The following VAT1L variants were observed in gnomAD, a reference collection of about 807,000 sequenced individuals.
VAT1L encodes putative NADPH-dependent quinone oxidoreductase VAT1L.
A neutral mutation model predicts 44.1 loss-of-function variants in VAT1L; 34 were observed. The ratio of observed to expected loss-of-function variants is 0.77; its 90% CI spans 0.59 to 1.03. The LOEUF is 1.03. Among genes scored for constraint, VAT1L ranks in the 50% least tolerant of loss-of-function variants. The pLI is 0.00. For synonymous variants in VAT1L, 253 were observed against 202.2 expected (o/e 1.25, Z -2.13); for missense variants, 615 against 538.8 (o/e 1.14, Z -1.40).
In VAT1L at chr16:77,955,727, C is replaced by T. The variant is rs866018379; in HGVS notation, c.1078-16123C>T. On this transcript the variant is annotated intron_variant, in intron 7 of 8. Coordinates refer to ENST00000302536, the MANE Select transcript of VAT1L (RefSeq NM_020927.3). Reference sequence around the variant, plus strand: ...GTGACAGAGGCTCCATATCCCCCCCCCCAAAAAAAAAAAAAGAGAGAGAAT... The same window carrying T: ...GTGACAGAGGCTCCATATCCCCCCCTCCAAAAAAAAAAAAAGAGAGAGAAT... Among the ~76,000 whole-genome samples the T allele has an allele frequency of 2.4e-3, 257 of 107,526 alleles. 1 individual carries two copies. The highest frequency in any genetic ancestry group is 8.5e-3 in the African/African-American group (234 of 27,488). 70.5% of individuals were successfully genotyped at this position (107,526 alleles called of 152,430 possible).
At chr16:77,903,918 A>G (rs1247198007) in intron 7 of VAT1L, among the ~76,000 whole-genome samples, 1 of 151,622 alleles carries the variant, frequency 6.6e-6, no homozygotes, top group Non-Finnish European at 1.5e-5. Context: ...TTGTATTTTT[A>G]GTAAAGACAG....
chr16:77,884,721 G>C lies in VAT1L; in HGVS notation c.996G>C (p.Arg332=). 6.2e-7 allele frequency: 1 copy of C among 1,607,166 alleles called. No homozygotes were observed. The highest frequency in any genetic ancestry group is 1.1e-5 in the South Asian group (1 of 89,596). ...AACAAGGCCGGGCGGGCCTCATTCG[G>C]GGAGTGGTGGAAAAACTCATAGGGC... ...LFKQGRAGLI[R]GVVEKLIGLY... is the part of the protein sequence containing the mutation. The change falls in exon 7 of 9, where the codon CGG becomes CGC. Residue 332 remains arginine (R), a synonymous_variant. Transcript: ENST00000302536. The surrounding 1 kb of genome is among the most constrained non-coding windows in gnomAD (Gnocchi z 4.5).
chr16:77,965,315 G>C (rs564586847), intron 7 of VAT1L, among the ~76,000 whole-genome samples: 1 of 152,182 alleles, frequency 6.6e-6, no homozygotes, highest in African/African-American at 2.4e-5. Context: ...GAAGCCAGTT[G>C]TTAGAATGAT....
chr16:77,973,577 C>G (rs430714), intron 8 of VAT1L, among the ~76,000 whole-genome samples: 42,800 of 151,800 alleles, frequency 0.28, 6,431 homozygotes, highest in Middle Eastern at 0.34. Flanking sequence ...GCCACCATGC[C>G]TGGCCCCCAG....
chr16:77,938,985 C>G (rs2017840746), intron 7 of VAT1L, among the ~76,000 whole-genome samples: 1 of 152,004 alleles, frequency 6.6e-6, no homozygotes, highest in South Asian at 2.1e-4. Flanking sequence ...TCTGTCTACT[C>G]CAGGAATGAG....
intron 3 of VAT1L, among the ~76,000 whole-genome samples, chr16:77,843,940 C>T (rs998582693): frequency 9.9e-5 from 15 of 152,166 alleles, no homozygotes; most frequent in African/African-American, 1.7e-4. Context: ...GGTGGTGGAC[C>T]TTCTTGGGTC....
intron 7 of VAT1L, among the ~76,000 whole-genome samples, chr16:77,888,296 C>A (rs1420158396): frequency 1.3e-5 from 2 of 152,148 alleles, no homozygotes; most frequent in African/African-American, 4.8e-5. Context: ...CTCCCTTCCA[C>A]TAGAATTTAA....
rs146689405 is a variant in VAT1L at position 77,944,541 on chromosome 16, A to G, written c.1078-27309A>G. Among the ~76,000 whole-genome samples, 96 of 152,272 alleles carry G rather than the reference A, an allele frequency of 6.3e-4. 3 individuals are homozygous for G. The East Asian group carries it at 0.018, about 29-fold the overall frequency. ...AGCATAGTAAGTGCTAGGATCCTCAATTTCTTCAACTGTAAAAACAGAAAT... is the reference window on the plus strand; with the variant it reads ...AGCATAGTAAGTGCTAGGATCCTCAGTTTCTTCAACTGTAAAAACAGAAAT... On this transcript the variant is annotated intron_variant, in intron 7 of 8. Transcript: ENST00000302536.
chr16:77,959,995 T>A (rs2018144639), intron 7 of VAT1L, among the ~76,000 whole-genome samples: 1 of 152,054 alleles, frequency 6.6e-6, no homozygotes, highest in Non-Finnish European at 1.5e-5. Context: ...CTCTCTCTCC[T>A]CTTGCCATAG....
intron 1 of VAT1L, chr16:77,801,686 A>G (rs1260339610): frequency 6.7e-6 from 1 of 148,528 alleles, no homozygotes; most frequent in Non-Finnish European, 1.5e-5. Context: ...CTTTGAGCAG[A>G]CTATCCATCA....
intron 7 of VAT1L, among the ~76,000 whole-genome samples, chr16:77,945,797 C>CTTTTTT (rs58436423): frequency 1.4e-5 from 2 of 141,172 alleles, no homozygotes. Context: ...AGTGGCTTGA[C>CTTTTTT]TTTTTTTTTT....
chr16:77,940,634 C>T (rs1307805568), intron 7 of VAT1L, among the ~76,000 whole-genome samples: 5 of 152,226 alleles, frequency 3.3e-5, no homozygotes, highest in South Asian at 4.1e-4. Flanking sequence ...TGAGCCACTG[C>T]GCCCAGCCCC....
intron 7 of VAT1L, among the ~76,000 whole-genome samples, chr16:77,938,838 A>C (rs1209642014): frequency 6.6e-6 from 1 of 152,110 alleles, no homozygotes; most frequent in African/African-American, 2.4e-5. Context: ...GAAAATAAGC[A>C]ATAAACACAA....
intron 7 of VAT1L, among the ~76,000 whole-genome samples, chr16:77,959,229 C>G (rs420959): frequency 0.94 from 142,850 of 152,200 alleles, 67,719 homozygotes; most frequent in Middle Eastern, 1. Flanking sequence ...CCCTTCCAGT[C>G]GATTAATTCA....
Position 77,917,901 on chromosome 16 carries a change from T to G in VAT1L, c.1077+33099T>G, listed in dbSNP as rs532460819. ...GGGAGCCCCAGAGATGGAAATCAGT[T>G]GAAGCCAGACACTGAAGTTCTGTAT... is the stretch of plus-strand genomic sequence containing the variant. On this transcript the variant is annotated intron_variant, in intron 7 of 8. Transcript: ENST00000302536. Among the ~76,000 whole-genome samples the G allele has an allele frequency of 1.3e-4, 20 of 152,306 alleles. No homozygotes were observed. The East Asian group carries it at 2.9e-3, about 22-fold the overall frequency.
intron 7 of VAT1L, among the ~76,000 whole-genome samples, chr16:77,954,027 A>AC (rs2018074321): frequency 6.6e-6 from 1 of 152,038 alleles, no homozygotes; most frequent in Non-Finnish European, 1.5e-5. Context: ...ATCCTGTGTG[A>AC]CCCCACCACC....
intron 4 of VAT1L, among the ~76,000 whole-genome samples, chr16:77,866,075 T>C (rs2016971044): frequency 6.6e-6 from 1 of 152,082 alleles, no homozygotes; most frequent in Admixed American, 6.6e-5. Flanking sequence ...GGGATTACAC[T>C]CAGAATGCCC....
chr16:77,947,220 C>T (rs894261951), intron 7 of VAT1L, among the ~76,000 whole-genome samples: 3 of 152,194 alleles, frequency 2.0e-5, no homozygotes, highest in Admixed American at 6.5e-5. Flanking sequence ...CCAGCGCTCA[C>T]AAGACCATCT....
chr16:77,844,857 T>G (rs993871396), intron 3 of VAT1L, among the ~76,000 whole-genome samples: 6 of 140,142 alleles, frequency 4.3e-5, no homozygotes, highest in Admixed American at 2.8e-4. Context: ...TGTGTGTGCA[T>G]GTGTATATAT....
Sources: gnomAD v4.1 joint callset for allele counts (sites outside exome capture counted in the v4.1 genomes callset) on GRCh38, gnomAD v4.1.1 for gene constraint, Gnocchi (gnomAD v3.1) non-coding constraint, MANE v1.5 for transcripts, NCBI Gene and HGNC (gene_info 2026-07-23, HGNC 2026-07-21) for gene names.